Variants in RADIL observed in about 807,000 individuals in gnomAD.
RADIL encodes Rap associating with DIL domain, also known as ras-associating and dilute domain-containing protein.
Under a neutral mutation model 97.6 loss-of-function variants are expected in RADIL, and 99 were observed. That is an observed-to-expected ratio of 1.01 (90% confidence interval 0.86 to 1.20). RADIL has a LOEUF of 1.20. Ranked by LOEUF, RADIL falls within the 50% of genes most tolerant of loss-of-function variation. RADIL has a pLI of 0.00. For synonymous variants in RADIL, 803 were observed against 691.8 expected (o/e 1.16, Z -2.52); for missense variants, 1,765 against 1,498.9 (o/e 1.18, Z -2.93).
At chr7:4,871,405 A>G (rs943882066) in intron 2 of RADIL, among the ~76,000 whole-genome samples, 3 of 152,240 alleles carry the variant, frequency 2.0e-5, no homozygotes, top group African/African-American at 7.2e-5. Flanking sequence ...TCCCGCGTGC[A>G]CACAACAGTC....
Position 4,867,836 on chromosome 7 carries a change from A to G in RADIL, c.535+9769T>C, listed in dbSNP as rs1784163548. On this transcript the variant is annotated intron_variant, in intron 2 of 14. Coordinates refer to ENST00000399583, the MANE Select transcript of RADIL (RefSeq NM_018059.5). This position sits in a 1 kb window ranked among gnomAD's most constrained non-coding sequence, Gnocchi z 4.1. ...GGGTTCCCAAGGACAATGACAATGA[A>G]AAAAGAAAATGATCCTATCCATCCA... Among the ~76,000 whole-genome samples, 1 of 152,202 alleles carries G rather than the reference A, an allele frequency of 6.6e-6. No homozygotes were observed. The highest frequency in any genetic ancestry group is 1.5e-5 in the Non-Finnish European group (1 of 68,042).
intron 11 of RADIL, among the ~76,000 whole-genome samples, chr7:4,803,303 G>A (rs1782177062): frequency 5.0e-5 from 5 of 99,300 alleles, no homozygotes; most frequent in Admixed American, 4.7e-4. Flanking sequence ...CTGGCTGGGT[G>A]GCCCCCTCCC....
At chr7:4,827,521 C>T (rs566285721) in intron 5 of RADIL, among the ~76,000 whole-genome samples, 26 of 151,798 alleles carry the variant, frequency 1.7e-4, no homozygotes, top group South Asian at 1.2e-3. Flanking sequence ...ATTAGCCGGG[C>T]GTGGTTGCAG....
rs193186543 is a variant in RADIL, at chr7:4,880,713, G to A, written c.-64-2510C>T. On this transcript the variant is annotated intron_variant, in intron 1 of 14. Transcript: ENST00000399583. This position sits in a 1 kb window ranked among gnomAD's most constrained non-coding sequence, Gnocchi z 4.5. ...TGGATGGTACAGCCTCTGCCACCAGGCAGCTGTGGCTCAGGAAACCTCTGC... is the reference window on the plus strand; with the variant it reads ...TGGATGGTACAGCCTCTGCCACCAGACAGCTGTGGCTCAGGAAACCTCTGC... Among the ~76,000 whole-genome samples the A allele has an allele frequency of 8.3e-4, 127 of 152,324 alleles. No homozygotes were observed. The highest frequency in any genetic ancestry group is 3.0e-3 in the African/African-American group (123 of 41,580).
At chr7:4,863,289 C>G (rs1052062454) in intron 2 of RADIL, among the ~76,000 whole-genome samples, 1 of 152,188 alleles carries the variant, frequency 6.6e-6, no homozygotes, top group African/African-American at 2.4e-5. Context: ...TTTCCCCCTA[C>G]CTTTTATTTC....
At chr7:4,841,301 C>T (rs890734271) in intron 2 of RADIL, among the ~76,000 whole-genome samples, 92 of 152,194 alleles carry the variant, frequency 6.0e-4, no homozygotes, top group African/African-American at 2.1e-3. Flanking sequence ...AGAGGTGCTG[C>T]GTAGGTTTAA....
At position 4,820,389 on chromosome 7, in the gene RADIL, G is replaced by A. The variant is rs147993235; in HGVS notation, c.1615+2005C>T. Among the ~76,000 whole-genome samples the A allele has an allele frequency of 2.7e-3, 413 of 152,312 alleles. 9 individuals are homozygous for A. Among genetic ancestry groups the A allele is most frequent in the East Asian group, 0.026 (136 of 5,172 alleles). On this transcript the variant is annotated intron_variant, in intron 6 of 14. Coordinates refer to ENST00000399583, the MANE Select transcript of RADIL (RefSeq NM_018059.5). ...CGTGGAGACTTAGGGACCCACAGTC[G>A]TTTACGTCACTTTCCAGGAAAAAGC... is the stretch of plus-strand genomic sequence containing the variant.
rs766532873 is a variant in RADIL, at chr7:4,799,678, C to G, written c.3074G>C (p.Arg1025Pro). The G allele has an allele frequency of 6.3e-7, 1 of 1,591,816 alleles. No individual in the cohort carries two copies. The highest frequency in any genetic ancestry group is 1.8e-5 in the Admixed American group (1 of 56,290). Reference sequence around the variant, plus strand: ...GCTGCTGCCATTCACCTCCAGGATACGGTCCCCCAGCGACAGGCGCCCGTC... The same window carrying G: ...GCTGCTGCCATTCACCTCCAGGATAGGGTCCCCCAGCGACAGGCGCCCGTC... ...AADGRLSLGDRILEVNGSSLL... is the reference protein window; with the variant it reads ...AADGRLSLGDPILEVNGSSLL... Residue 1025 changes from arginine to proline, a missense_variant, in exon 14 of 15, where the codon CGT (arginine) becomes CCT (proline). By Grantham distance (103) the Arg-to-Pro change is moderately radical. Transcript: ENST00000399583.
At chr7:4,866,165 G>A (rs755442777) in intron 2 of RADIL, among the ~76,000 whole-genome samples, 20 of 152,114 alleles carry the variant, frequency 1.3e-4, no homozygotes, top group Non-Finnish European at 1.5e-4. Context: ...TGTGTTTTAA[G>A]AGATAAGGTC....
intron 9 of RADIL, among the ~76,000 whole-genome samples, chr7:4,806,434 G>A (rs1279700527): frequency 6.6e-6 from 1 of 151,988 alleles, no homozygotes; most frequent in East Asian, 1.9e-4. Flanking sequence ...CAATCCTCCC[G>A]CCTCAGCCTC....
Position 4,819,550 on chromosome 7 carries a change from G to C in RADIL, c.1616-2199C>G, listed in dbSNP as rs947541640. ...CTATCCCTAAAGAAGAAGGCGCTGA[G>C]CTCCAGCCACGAGGAGAATCTGAGG... On this transcript the variant is annotated intron_variant, in intron 6 of 14. Transcript: ENST00000399583. This position sits in a 1 kb window ranked among gnomAD's most constrained non-coding sequence, Gnocchi z 5.8. Among the ~76,000 whole-genome samples the C allele has an allele frequency of 2.0e-5, 3 of 152,218 alleles. No individual in the cohort carries two copies. The highest frequency in any genetic ancestry group is 4.4e-5 in the Non-Finnish European group (3 of 68,050).
At chr7:4,825,883 GAAAAAAAAAAAAAAAA>G (rs540147941) in intron 5 of RADIL, among the ~76,000 whole-genome samples, 1 of 51,034 alleles carries the variant, frequency 2.0e-5, no homozygotes, top group South Asian at 9.5e-4. Context: ...CTCCGTCTCA[GAAAAAAAAAAAAAAAA>G]AAAAAAAAAG....
chr7:4,828,801 G>C (rs994097336), intron 5 of RADIL, among the ~76,000 whole-genome samples: 1 of 152,210 alleles, frequency 6.6e-6, no homozygotes, highest in East Asian at 1.9e-4. Flanking sequence ...AGGTCCTAAC[G>C]ATGACGGTTC....
intron 2 of RADIL, among the ~76,000 whole-genome samples, chr7:4,856,660 G>C (rs767798495): frequency 1.5e-4 from 23 of 152,138 alleles, no homozygotes; most frequent in Non-Finnish European, 2.6e-4. Context: ...TCTGTGGTGA[G>C]AGAACATGTC....
chr7:4,869,866 C>T (rs532901919), intron 2 of RADIL, among the ~76,000 whole-genome samples: 13 of 152,274 alleles, frequency 8.5e-5, no homozygotes, highest in Non-Finnish European at 1.6e-4. Flanking sequence ...TGCAGTGGCT[C>T]GTACCTGAAA....
chr7:4,876,710 G>A (rs77217683), intron 2 of RADIL, among the ~76,000 whole-genome samples: 3,456 of 152,284 alleles, frequency 0.023, 140 homozygotes, highest in African/African-American at 0.08. Flanking sequence ...CAAACTCTGC[G>A]GCAGGCACTC....
At position 4,798,287 on chromosome 7, in the gene RADIL, G is replaced by A. The variant is rs1583251123; in HGVS notation, c.*1091C>T. The A allele has an allele frequency of 6.6e-6, 1 of 152,148 alleles. No individual in the cohort carries two copies. The highest frequency in any genetic ancestry group is 2.4e-5 in the African/African-American group (1 of 41,442). The allele number at this position is 152,148 out of a possible 1,614,324, so 9.4% of individuals were successfully genotyped here. ...TGCACCTCGCCGTAGCGCACACCAGGGGGCAGCGTGGAGCTGCACGAGGCC... is the reference window on the plus strand; with the variant it reads ...TGCACCTCGCCGTAGCGCACACCAGAGGGCAGCGTGGAGCTGCACGAGGCC... On this transcript the variant is annotated 3_prime_UTR_variant, in exon 15 of 15. Transcript: ENST00000399583.
rs370509289 is a variant in RADIL, at chr7:4,877,705, T to C, written c.435A>G (p.Glu145=). The C allele has an allele frequency of 1.2e-6, 2 of 1,614,024 alleles. No homozygotes were observed. The highest frequency in any genetic ancestry group is 2.7e-5 in the African/African-American group (2 of 74,938). ...GDSEKPLLIQ[E]LWKPREGLSR... is the part of the protein sequence containing the mutation. ...ATAAACCTTCTCGGGGTTTCCATAA[T>C]TCCTGGATCAAGAGGGGCTTCTCAC... The change falls in exon 2 of 15, where the codon GAA becomes GAG. Residue 145 remains glutamate (E), a synonymous_variant. Transcript: ENST00000399583.
At position 4,799,434 on chromosome 7, in the gene RADIL, C is replaced by T. The variant is rs768160143; in HGVS notation, c.3172G>A (p.Ala1058Thr). The T allele has an allele frequency of 2.7e-5, 43 of 1,613,698 alleles. No homozygotes were observed. Among genetic ancestry groups the T allele is most frequent in the Admixed American group, 1.0e-4 (6 of 59,992 alleles). Residue 1058 changes from alanine (A) to threonine (T), a missense_variant, in exon 15 of 15, where the codon GCG (alanine) becomes ACG (threonine). Coordinates refer to ENST00000399583, the MANE Select transcript of RADIL (RefSeq NM_018059.5). ...HGGKKMRFLV[A>T]KSDVETAKKI... ...TTGGCTGTTTCCACGTCGGACTTCG[C>T]GACCAGGAACCGCATCTTCTTCCCG...
Sources: allele counts gnomAD v4.1 joint callset (sites outside exome capture counted in the v4.1 genomes callset), GRCh38; gene constraint gnomAD v4.1.1; non-coding constraint Gnocchi (gnomAD v3.1); transcripts MANE v1.5; gene names NCBI Gene and HGNC (gene_info 2026-07-23, HGNC 2026-07-21).